Variants in SNTN observed in about 807,000 individuals in gnomAD.
SNTN encodes the protein sentan, cilia apical structure protein.
Under a neutral mutation model 12.3 loss-of-function variants are expected in SNTN, and 13 were observed. That is an observed-to-expected ratio of 1.05 (90% CI 0.69 to 1.67). The LOEUF is 1.67. Ranked by LOEUF, SNTN falls within the 40% of genes most tolerant of loss-of-function variation. SNTN has a pLI of 0.00. For missense variants in SNTN, 189 were observed against 169.8 expected (o/e 1.11, Z -0.63); for synonymous variants, 69 against 58.5 (o/e 1.18, Z -0.82).
At chr3:63,658,405 T>TATATATAC (rs1216373763) in intron 2 of SNTN, among the ~76,000 whole-genome samples, 1 of 76,996 alleles carries the variant, frequency 1.3e-5, no homozygotes, top group Non-Finnish European at 2.8e-5. Flanking sequence ...GTTGTAAATA[T>TATATATAC]ATATATATAT....
chr3:63,662,269 T>C (rs1160443758), intron 3 of SNTN, among the ~76,000 whole-genome samples: 1 of 152,160 alleles, frequency 6.6e-6, no homozygotes, highest in Non-Finnish European at 1.5e-5. Context: ...TAACTGGGCT[T>C]TCTCCTCAAT....
chr3:63,664,393 A>G lies in SNTN; in HGVS notation c.*298A>G, dbSNP rs1389030579. ...GCACTCTACTTATAGTCATTGAGTC[A>G]CTCATTTATTCACTAAACATTTGTT... On this transcript the variant is annotated 3_prime_UTR_variant, in exon 4 of 4. Transcript: ENST00000343837. The G allele has an allele frequency of 4.6e-6, 1 of 215,902 alleles. No homozygotes were observed. Among genetic ancestry groups the G allele is most frequent in the African/African-American group, 2.3e-5 (1 of 43,544 alleles). 13.4% of individuals were successfully genotyped at this position (215,902 alleles called of 1,614,324 possible).
intron 1 of SNTN, 23 bp from the exon 2 acceptor site, chr3:63,654,738 CT>C: frequency 6.2e-7 from 1 of 1,609,900 alleles, no homozygotes; most frequent in Non-Finnish European, 8.5e-7. Context: ...CAGAATCATT[CT>C]GTTTCTTTCA....
chr3:63,658,657 C>T (rs1700709335), intron 2 of SNTN, among the ~76,000 whole-genome samples: 1 of 152,000 alleles, frequency 6.6e-6, no homozygotes, highest in Non-Finnish European at 1.5e-5. Context: ...CCCATCTCGG[C>T]CTTCCAAAGT....
At chr3:63,662,625 A>G (rs899689823) in intron 3 of SNTN, among the ~76,000 whole-genome samples, 3 of 152,130 alleles carry the variant, frequency 2.0e-5, no homozygotes, top group Non-Finnish European at 2.9e-5. Flanking sequence ...GACCCTTTCT[A>G]AATAACACTC....
intron 1 of SNTN, among the ~76,000 whole-genome samples, chr3:63,654,465 A>G (rs1003405761): frequency 5.9e-5 from 9 of 152,152 alleles, no homozygotes; most frequent in Non-Finnish European, 1.2e-4. Context: ...AGGAGCTTAC[A>G]TGGAAGGTAT....
chr3:63,656,075 C>G (rs1700676730), intron 2 of SNTN, among the ~76,000 whole-genome samples: 1 of 152,192 alleles, frequency 6.6e-6, no homozygotes, highest in African/African-American at 2.4e-5. Flanking sequence ...TCCTGTAGGT[C>G]TTCACATCAT....
chr3:63,658,776 G>T (rs1700710112), intron 2 of SNTN, among the ~76,000 whole-genome samples: 1 of 152,158 alleles, frequency 6.6e-6, no homozygotes, highest in African/African-American at 2.4e-5. Context: ...TGAAAATCAT[G>T]TTATTCGGAC....
At chr3:63,661,447 G>A (rs2106943588) in intron 3 of SNTN, among the ~76,000 whole-genome samples, 1 of 152,250 alleles carries the variant, frequency 6.6e-6, no homozygotes, top group African/African-American at 2.4e-5. Context: ...CACCCACTGG[G>A]GGGAGCTAAG....
At position 63,654,370 on chromosome 3, in the gene SNTN, G is replaced by A. The variant is rs116337961; in HGVS notation, c.111-392G>A. On this transcript the variant is annotated intron_variant, in intron 1 of 3. Coordinates refer to ENST00000343837, the MANE Select transcript of SNTN (RefSeq NM_001080537.2). ...TGACTGTTTTACTCCATGCAGTCAC[G>A]TGAGACACAGGATGATCAGCATGTG... Among the ~76,000 whole-genome samples, 926 of 152,282 alleles carry A rather than the reference G, an allele frequency of 6.1e-3. 11 individuals carry two copies. Among genetic ancestry groups the A allele is most frequent in the African/African-American group, 0.021 (885 of 41,552 alleles).
chr3:63,664,825 T>C lies in SNTN; in HGVS notation c.*730T>C, dbSNP rs990109131. 1 of 152,192 alleles carries C rather than the reference T, an allele frequency of 6.6e-6. No homozygotes were observed. The allele number at this position is 152,192 out of a possible 1,614,324, so 9.4% of individuals were successfully genotyped here. ...TGGAGTGCAATGGCACGATCTCAGC[T>C]TACTGCAACCTCGATCTCCCAGGTT... On this transcript the variant is annotated 3_prime_UTR_variant, in exon 4 of 4. Coordinates refer to ENST00000343837, the MANE Select transcript of SNTN (RefSeq NM_001080537.2).
chr3:63,655,483 G>T (rs1700668416), intron 2 of SNTN, among the ~76,000 whole-genome samples: 1 of 152,010 alleles, frequency 6.6e-6, no homozygotes, highest in Admixed American at 6.6e-5. Context: ...CATCTTCATG[G>T]AACTATTTTT....
chr3:63,663,508 G>T (rs1266604159), intron 3 of SNTN, among the ~76,000 whole-genome samples: 1 of 152,166 alleles, frequency 6.6e-6, no homozygotes, highest in African/African-American at 2.4e-5. Flanking sequence ...TGTTGGAGGT[G>T]GGGCCTTATG....
At chr3:63,653,982 A>G (rs1700649310) in intron 1 of SNTN, among the ~76,000 whole-genome samples, 1 of 152,126 alleles carries the variant, frequency 6.6e-6, no homozygotes, top group Admixed American at 6.6e-5. Context: ...TCAACACATA[A>G]GTTTCCTCTG....
chr3:63,658,471 A>G (rs1184545517), intron 2 of SNTN, among the ~76,000 whole-genome samples: 3 of 151,370 alleles, frequency 2.0e-5, no homozygotes, highest in South Asian at 4.2e-4. Context: ...AACAGAAAAA[A>G]TAAATACATG....
chr3:63,656,619 T>A (rs915682602), intron 2 of SNTN, among the ~76,000 whole-genome samples: 2 of 152,232 alleles, frequency 1.3e-5, no homozygotes, highest in Non-Finnish European at 2.9e-5. Flanking sequence ...TTCTTTAAAG[T>A]GGCCATCTAT....
At chr3:63,662,190 C>T (rs1700750025) in intron 3 of SNTN, among the ~76,000 whole-genome samples, 1 of 152,170 alleles carries the variant, frequency 6.6e-6, no homozygotes, top group Admixed American at 6.5e-5. Context: ...CCGCCCTGCC[C>T]CATGAGACCC....
intron 3 of SNTN, among the ~76,000 whole-genome samples, chr3:63,662,437 T>A: frequency 6.6e-6 from 1 of 152,160 alleles, no homozygotes. Flanking sequence ...CTAAAGGCAC[T>A]ACTGGGAAGA....
At chr3:63,657,045 T>A (rs1005689631) in intron 2 of SNTN, among the ~76,000 whole-genome samples, 1 of 152,204 alleles carries the variant, frequency 6.6e-6, no homozygotes, top group Admixed American at 6.5e-5. Flanking sequence ...ATGTGTGTCG[T>A]ATATTATTGT....
Sources: gnomAD v4.1 joint callset for allele counts (sites outside exome capture counted in the v4.1 genomes callset) on GRCh38, gnomAD v4.1.1 for gene constraint, MANE v1.5 for transcripts, NCBI Gene and HGNC (gene_info 2026-07-23, HGNC 2026-07-21) for gene names.